TRIM33: variants seen among roughly 807,000 people sequenced by gnomAD.
The protein encoded by TRIM33 is tripartite motif containing 33, also known as E3 ubiquitin-protein ligase TRIM33.
A neutral mutation model predicts 125.4 loss-of-function variants in TRIM33; 20 were observed. The observed-to-expected ratio is 0.16, with a 90% CI of 0.11 to 0.23. The LOEUF (loss-of-function observed/expected upper bound fraction) is 0.23, where lower values mean the gene tolerates loss of function less well. Ranked by LOEUF, TRIM33 falls within the 10% of genes least tolerant of loss-of-function variation. The probability of loss-of-function intolerance (pLI) is 1.00; values close to 1 mark genes in which losing one functional copy is unlikely to be tolerated. For missense variants in TRIM33, 920 were observed against 1,411.4 expected, an observed-to-expected ratio of 0.65 and a Z score of 5.58; for synonymous variants, 564 against 513.9, an observed-to-expected ratio of 1.10 and a Z score of -1.32.
chr1:114,393,509 A>G lies in TRIM33; in HGVS notation c.*4139T>C, dbSNP rs1651389500. The G allele has an allele frequency of 5.0e-6, 1 of 200,564 alleles. No individual in the cohort carries two copies. Among genetic ancestry groups the G allele is most frequent in the Non-Finnish European group, 1.0e-5 (1 of 97,078 alleles). The allele number at this position is 200,564 out of a possible 1,614,324, so 12.4% of individuals were successfully genotyped here. A position where few individuals can be genotyped will look rare whatever the true frequency, so the allele number is the denominator to read the frequency against. On this transcript the variant is annotated 3_prime_UTR_variant, in exon 20 of 20. Transcript: ENST00000358465. ...AAAAGGGCTAAACTTAACTTTGTAC[A>G]CTTTGTAGTTTGATATGACAAATAT...
intron 1 of TRIM33, among the ~76,000 whole-genome samples, chr1:114,487,757 C>T (rs1160046895): frequency 6.7e-6 from 1 of 150,260 alleles, no homozygotes; most frequent in Non-Finnish European, 1.5e-5. Flanking sequence ...ATTAGCCGGG[C>T]GCGGTGGCGG....
chr1:114,481,576 G>C (rs1228809937), intron 1 of TRIM33, among the ~76,000 whole-genome samples: 2 of 150,700 alleles, frequency 1.3e-5, no homozygotes, highest in Non-Finnish European at 2.9e-5. Context: ...GGGCAACAGA[G>C]TGAGACACTG....
Position 114,405,542 on chromosome 1 carries a change from T to C in TRIM33, c.2636A>G (p.Asn879Ser), listed in dbSNP as rs115576855. The change falls in exon 15 of 20, where the codon AAC becomes AGC. Residue 879 changes from asparagine to serine, a missense_variant. By Grantham distance (46) the Asn-to-Ser change is conservative. Around this residue, in one of 8 missense-constraint regions of TRIM33, gnomAD observed 407 missense variants for 589.7 expected, o/e 0.69. Transcript: ENST00000358465. The stretch of plus-strand genomic sequence containing the variant: ...TTCATTTGGGTCATCATCTTTATTG[T>C]TGCCATCTCCTCCAATCCTTGCCGA... ...HRSARIGGDG[N>S]NKDDDPNEDW... is the part of the protein sequence containing the mutation. The C allele has an allele frequency of 6.2e-7, 1 of 1,614,230 alleles. No homozygotes were observed. The highest frequency in any genetic ancestry group is 2.2e-5 in the East Asian group (1 of 44,892).
chr1:114,483,347 G>A (rs1161434981), intron 1 of TRIM33, among the ~76,000 whole-genome samples: 2 of 150,562 alleles, frequency 1.3e-5, no homozygotes, highest in East Asian at 3.9e-4. Flanking sequence ...AGAAGACATA[G>A]AAAAACTCAA....
chr1:114,446,872 C>A (rs531256298), intron 4 of TRIM33, among the ~76,000 whole-genome samples: 2 of 152,224 alleles, frequency 1.3e-5, no homozygotes, highest in African/African-American at 4.8e-5. Flanking sequence ...GCCCAGGCAA[C>A]ATGGCAAGAC....
intron 4 of TRIM33, among the ~76,000 whole-genome samples, chr1:114,450,280 T>G (rs1306381968): frequency 6.6e-6 from 1 of 152,104 alleles, no homozygotes; most frequent in African/African-American, 2.4e-5. Flanking sequence ...AATACTAGAT[T>G]GAAAACCTTT....
At chr1:114,497,132 T>C (rs1652414092) in intron 1 of TRIM33, among the ~76,000 whole-genome samples, 1 of 152,252 alleles carries the variant, frequency 6.6e-6, no homozygotes, top group African/African-American at 2.4e-5. Flanking sequence ...CCTATCAAGT[T>C]ATAGCTGCAT....
intron 4 of TRIM33, among the ~76,000 whole-genome samples, chr1:114,446,320 T>C (rs2101274620): frequency 6.6e-6 from 1 of 152,190 alleles, no homozygotes; most frequent in South Asian, 2.1e-4. Flanking sequence ...AATAAATTGG[T>C]AAATATGAAA....
At chr1:114,430,753 G>C in intron 6 of TRIM33, 45 bp downstream of exon 6, 2 of 1,003,592 alleles carry the variant, frequency 2.0e-6, no homozygotes, top group Non-Finnish European at 3.2e-6. Context: ...AACAGCTAAA[G>C]AGCAAGAGAA....
At chr1:114,471,911 G>T (rs1406805231) in intron 1 of TRIM33, among the ~76,000 whole-genome samples, 1 of 152,066 alleles carries the variant, frequency 6.6e-6, no homozygotes, top group Non-Finnish European at 1.5e-5. Context: ...GAAAATTATT[G>T]TATGTTTAGC....
chr1:114,499,886 C>T (rs1433347866), intron 1 of TRIM33, among the ~76,000 whole-genome samples: 3 of 152,162 alleles, frequency 2.0e-5, no homozygotes, highest in Admixed American at 6.5e-5. Context: ...ATAGGTCGGG[C>T]ACAGTGGCTC....
At chr1:114,397,902 T>C (rs1651641736) in intron 19 of TRIM33, 38 bp downstream of exon 19, 1 of 1,613,878 alleles carries the variant, frequency 6.2e-7, no homozygotes, top group Non-Finnish European at 8.5e-7. Flanking sequence ...TGGTAATGCA[T>C]ATTCCTTCAC....
intron 17 of TRIM33, among the ~76,000 whole-genome samples, chr1:114,401,160 C>T (rs906016454): frequency 6.6e-6 from 1 of 151,998 alleles, no homozygotes; most frequent in African/African-American, 2.4e-5. Flanking sequence ...CCTCAGCCTC[C>T]GGAGTAGCTG....
chr1:114,425,453 T>A lies in TRIM33; in HGVS notation c.1691A>T (p.Gln564Leu). ...PRQAAPQMLQ[Q>L]QPPRLISVQT... is the part of the protein sequence containing the mutation. ...ATGTAGTAACACGATACTTACCTGT[T>A]GTTGTAACATCTGAGGGGCTGCTTG... The change falls in exon 9 of 20, where the codon CAA (glutamine) becomes CTA (leucine). Residue 564 changes from glutamine (Q) to leucine (L), a missense_variant. Coordinates refer to ENST00000358465, the MANE Select transcript of TRIM33 (RefSeq NM_015906.4). 6.2e-7 allele frequency: 1 copy of A among 1,613,824 alleles called. No homozygotes were observed. The highest frequency in any genetic ancestry group is 1.1e-5 in the South Asian group (1 of 91,044).
intron 18 of TRIM33, 34 bp from the exon 19 acceptor site, chr1:114,398,024 G>C (rs1282049772): frequency 6.3e-7 from 1 of 1,588,036 alleles, no homozygotes; most frequent in Non-Finnish European, 8.6e-7. Flanking sequence ...AAAAAAAAAG[G>C]GAAATTATAA....
In TRIM33 at chr1:114,510,885, G is replaced by C. The variant is rs1322181934; in HGVS notation, c.192C>G (p.Asp64Glu). The stretch of plus-strand genomic sequence containing the variant: ...CCGAGGAGGCCGCGGCCACCCCCCC[G>C]TCGTCGGGCCCGGCCGCGCCGCCCT... ...GAEGGAAGPD[D>E]GGVAAASSGS... is the part of the protein sequence containing the mutation. Residue 64 changes from aspartate (D) to glutamate (E), a missense_variant, in exon 1 of 20, where the codon GAC becomes GAG. This residue lies in a region of TRIM33 where 233 missense variants were observed against 189.6 expected (regional missense o/e 1.23). Transcript: ENST00000358465. 5 of 1,448,204 alleles carry C rather than the reference G, an allele frequency of 3.5e-6. No homozygotes were observed. In the South Asian group the frequency reaches 6.8e-5, roughly 20 times the overall value. 89.7% of individuals were successfully genotyped at this position (1,448,204 alleles called of 1,614,324 possible).
chr1:114,437,116 C>A (rs1360201282), intron 4 of TRIM33, among the ~76,000 whole-genome samples: 1 of 152,042 alleles, frequency 6.6e-6, no homozygotes, highest in Non-Finnish European at 1.5e-5. Flanking sequence ...TTTTCAAAGT[C>A]CTGTTTCTAA....
intron 4 of TRIM33, among the ~76,000 whole-genome samples, chr1:114,442,838 G>A (rs1414840112): frequency 6.6e-6 from 1 of 151,792 alleles, no homozygotes; most frequent in Non-Finnish European, 1.5e-5. Flanking sequence ...TTAAAAGATT[G>A]TAAAAACAAT....
chr1:114,416,427 T>A (rs1313901765), intron 11 of TRIM33, among the ~76,000 whole-genome samples: 1 of 152,198 alleles, frequency 6.6e-6, no homozygotes. Context: ...ATATATTTCT[T>A]CTAGTTACCT....
Sources: gnomAD v4.1 joint callset for allele counts (sites outside exome capture counted in the v4.1 genomes callset) on GRCh38, gnomAD v4.1.1 for gene constraint, gnomAD v4.1.1 regional missense constraint, MANE v1.5 for transcripts, NCBI Gene and HGNC (gene_info 2026-07-23, HGNC 2026-07-21) for gene names.